Variants in RRM1 observed in about 807,000 individuals in gnomAD.
The protein encoded by RRM1 is ribonucleotide reductase catalytic subunit M1, also known as ribonucleoside-diphosphate reductase large subunit.
In RRM1, 19 loss-of-function variants were observed where a neutral mutation model predicts 101.5. The ratio of observed to expected loss-of-function variants is 0.19; its 90% CI spans 0.13 to 0.27. The LOEUF (loss-of-function observed/expected upper bound fraction) is 0.27, where lower values mean the gene tolerates loss of function less well. RRM1 is among the 10% of genes least tolerant of loss of function. The pLI is 1.00. For missense variants in RRM1, 500 were observed against 962.9 expected, an observed-to-expected ratio of 0.52 and a Z score of 6.36; for synonymous variants, 298 against 323.4, an observed-to-expected ratio of 0.92 and a Z score of 0.84.
chr11:4,112,571 T>G (rs2094567098), intron 7 of RRM1, among the ~76,000 whole-genome samples: 1 of 151,950 alleles, frequency 6.6e-6, no homozygotes, highest in Non-Finnish European at 1.5e-5. Flanking sequence ...ACCATGTTGG[T>G]CAGGCTGGTC....
At chr11:4,127,662 T>G (rs1009314248) in intron 14 of RRM1, among the ~76,000 whole-genome samples, 1 of 152,214 alleles carries the variant, frequency 6.6e-6, no homozygotes, top group Non-Finnish European at 1.5e-5. Context: ...TCTTCAGAAC[T>G]ATGAGAGAAT....
intron 18 of RRM1, 51 bp downstream of exon 18, chr11:4,135,321 G>T (rs1393776629): frequency 1.4e-6 from 2 of 1,386,790 alleles, no homozygotes; most frequent in Admixed American, 2.2e-5. Flanking sequence ...AGATATTTTG[G>T]CATTGGAATG....
intron 15 of RRM1, 51 bp downstream of exon 15, chr11:4,129,201 C>A: frequency 9.7e-7 from 1 of 1,028,634 alleles, no homozygotes; most frequent in South Asian, 1.4e-5. Context: ...TTTAGGTTCA[C>A]CTTCTGGATC....
intron 18 of RRM1, among the ~76,000 whole-genome samples, chr11:4,137,910 C>T (rs1322618697): frequency 2.6e-5 from 3 of 113,626 alleles, no homozygotes; most frequent in Admixed American, 8.3e-5. Flanking sequence ...CACACCCCCA[C>T]CTCCCTCCCG....
At chr11:4,136,734 TTTTG>T (rs141754906) in intron 18 of RRM1, among the ~76,000 whole-genome samples, 127,268 of 148,218 alleles carry the variant, frequency 0.86, 54,560 homozygotes, top group Non-Finnish European at 0.93. Flanking sequence ...GAATGTATTT[TTTTG>T]TTTGTTTGTT....
At chr11:4,105,114 C>G (rs542449883) in intron 2 of RRM1, among the ~76,000 whole-genome samples, 1 of 152,194 alleles carries the variant, frequency 6.6e-6, no homozygotes, top group Non-Finnish European at 1.5e-5. Context: ...TTTAATGACA[C>G]TTTCATTTTA....
chr11:4,111,574 A>G, intron 5 of RRM1, 27 bp from the exon 6 acceptor site: 2 of 1,577,780 alleles, frequency 1.3e-6, no homozygotes, highest in Non-Finnish European at 1.7e-6. Flanking sequence ...GTGCTCTGAA[A>G]ATTTTTTGTT....
intron 3 of RRM1, among the ~76,000 whole-genome samples, chr11:4,107,094 G>A (rs953020759): frequency 1.3e-5 from 2 of 151,892 alleles, no homozygotes; most frequent in Non-Finnish European, 2.9e-5. Context: ...GGGTTTCACC[G>A]TGTTAGCCAG....
chr11:4,134,974 G>C, intron 17 of RRM1, 108 bp from the exon 18 acceptor site: 1 of 787,584 alleles, frequency 1.3e-6, no homozygotes, highest in Non-Finnish European at 2.0e-6. Flanking sequence ...GGTAAGGTCA[G>C]ATCTGGCAGG....
intron 12 of RRM1, among the ~76,000 whole-genome samples, chr11:4,124,225 G>C (rs551532449): frequency 8.5e-5 from 13 of 152,156 alleles, no homozygotes; most frequent in African/African-American, 2.4e-4. Context: ...GAAAAGGAAG[G>C]TTCTTGCTTC....
chr11:4,109,075 G>C (rs1174684620), intron 4 of RRM1, among the ~76,000 whole-genome samples: 1 of 152,006 alleles, frequency 6.6e-6, no homozygotes. Context: ...AAATCTTACT[G>C]TTACAATAGT....
At chr11:4,131,724 C>G (rs1333882194) in intron 15 of RRM1, among the ~76,000 whole-genome samples, 2 of 152,280 alleles carry the variant, frequency 1.3e-5, no homozygotes, top group African/African-American at 4.8e-5. Context: ...AACCTTCTTG[C>G]AGGAACTTAT....
chr11:4,098,478 G>A (rs2094546628), intron 1 of RRM1, among the ~76,000 whole-genome samples: 1 of 143,438 alleles, frequency 7.0e-6, no homozygotes, highest in Admixed American at 7.6e-5. Flanking sequence ...TTACAACTCT[G>A]TGGATACCGT....
At position 4,106,263 on chromosome 11, in the gene RRM1, G is replaced by C. The variant is rs1180510052; in HGVS notation, c.286+40G>C. The C allele has an allele frequency of 2.0e-6, 3 of 1,495,890 alleles. No homozygotes were observed. The Admixed American group carries it at 5.3e-5, about 27-fold the overall frequency. The allele number at this position is 1,495,890 out of a possible 1,614,324, so 92.7% of individuals were successfully genotyped here. On this transcript the variant is annotated intron_variant, in intron 3 of 18. Coordinates refer to ENST00000300738, the MANE Select transcript of RRM1 (RefSeq NM_001033.5). Reference sequence around the variant, plus strand: ...AAAAAGTAAAAATTTAGTACTCTCAGAAAAGTAATAAGGGTACTAGAAATA... The same window carrying C: ...AAAAAGTAAAAATTTAGTACTCTCACAAAAGTAATAAGGGTACTAGAAATA...
chr11:4,106,800 A>G (rs763017574), intron 3 of RRM1, among the ~76,000 whole-genome samples: 3 of 152,208 alleles, frequency 2.0e-5, no homozygotes, highest in African/African-American at 4.8e-5. Flanking sequence ...AGTGGGAAAG[A>G]GCAGACTACA....
intron 11 of RRM1, among the ~76,000 whole-genome samples, chr11:4,122,894 A>T (rs2094583960): frequency 6.6e-6 from 1 of 151,968 alleles, no homozygotes; most frequent in African/African-American, 2.4e-5. Context: ...AAGGAAAAAA[A>T]TTTAGCACAG....
At chr11:4,126,375 G>A (rs995206089) in intron 12 of RRM1, among the ~76,000 whole-genome samples, 1 of 152,184 alleles carries the variant, frequency 6.6e-6, no homozygotes, top group Non-Finnish European at 1.5e-5. Context: ...ATAGGTATAT[G>A]TAAAAAGCTA....
At position 4,102,039 on chromosome 11, in the gene RRM1, C is replaced by T; in HGVS notation, c.66C>T (p.Ile22=). The change falls in exon 2 of 19, where the codon ATC becomes ATT. Residue 22 remains isoleucine (I), a synonymous_variant. Transcript: ENST00000300738. ...RVMFDKITSR[I]QKLCYGLNMD... is the part of the protein sequence containing the mutation. ...TGTTTGACAAAATTACATCTCGAAT[C>T]CAGAAGCTTTGTTATGGACTCAATA... The T allele has an allele frequency of 1.2e-6, 2 of 1,605,632 alleles. No homozygotes were observed. The highest frequency in any genetic ancestry group is 1.7e-6 in the Non-Finnish European group (2 of 1,173,654).
At chr11:4,111,875 G>A (rs778240323) in intron 6 of RRM1, 25 bp from the exon 7 acceptor site, 1 of 1,597,672 alleles carries the variant, frequency 6.3e-7, no homozygotes, top group East Asian at 2.2e-5. Context: ...GTCTCATCAT[G>A]TGAAAACTCC....
Sources: allele counts gnomAD v4.1 joint callset (sites outside exome capture counted in the v4.1 genomes callset), GRCh38; gene constraint gnomAD v4.1.1; transcripts MANE v1.5; gene names NCBI Gene and HGNC (gene_info 2026-07-23, HGNC 2026-07-21).